The following DLG2 variants were observed in gnomAD, a reference collection of about 807,000 sequenced individuals.
DLG2 encodes disks large homolog 2.
Under a neutral mutation model 132.5 loss-of-function variants are expected in DLG2, and 45 were observed. The ratio of observed to expected loss-of-function variants is 0.34; its 90% confidence interval spans 0.27 to 0.44. The LOEUF is 0.44. DLG2 is among the 20% of genes least tolerant of loss of function. DLG2 has a pLI of 1.00. For missense variants in DLG2, 1,045 were observed against 1,196.9 expected (o/e 0.87, Z 1.87); for synonymous variants, 424 against 419.6 (o/e 1.01, Z -0.13).
At chr11:85,334,533 T>C (rs1000497706) in intron 3 of DLG2, among the ~76,000 whole-genome samples, 25 of 152,206 alleles carry the variant, frequency 1.6e-4, no homozygotes, top group African/African-American at 6.0e-4. Context: ...GATTCTCAAT[T>C]TGAGACCTTT....
intron 3 of DLG2, among the ~76,000 whole-genome samples, chr11:85,543,695 G>C (rs935691756): frequency 2.6e-5 from 4 of 152,112 alleles, no homozygotes; most frequent in African/African-American, 7.2e-5. Flanking sequence ...GTCGTGAGAT[G>C]GTATCTCATT....
chr11:84,226,751 A>C (rs1295787318), intron 8 of DLG2, among the ~76,000 whole-genome samples: 1 of 152,176 alleles, frequency 6.6e-6, no homozygotes, highest in African/African-American at 2.4e-5. Context: ...TCAGGGAGTT[A>C]CAGATATATA....
chr11:84,548,954 C>A (rs534722474), intron 6 of DLG2, among the ~76,000 whole-genome samples: 1 of 152,242 alleles, frequency 6.6e-6, no homozygotes, highest in East Asian at 1.9e-4. Flanking sequence ...ACATATATTT[C>A]TTTGAGGAAT....
At chr11:84,071,291 G>A (rs1468886910) in intron 10 of DLG2, among the ~76,000 whole-genome samples, 2 of 151,844 alleles carry the variant, frequency 1.3e-5, no homozygotes, top group Admixed American at 1.3e-4. Flanking sequence ...TTCTTGTAGA[G>A]ATGGGGTTTT....
intron 19 of DLG2, among the ~76,000 whole-genome samples, chr11:83,585,984 A>C (rs2097078362): frequency 6.6e-6 from 1 of 152,250 alleles, no homozygotes; most frequent in South Asian, 2.1e-4. Flanking sequence ...TAGGGCAAAT[A>C]AAAGCCAACC....
chr11:85,415,092 T>C (rs769752423), intron 3 of DLG2, among the ~76,000 whole-genome samples: 2 of 152,170 alleles, frequency 1.3e-5, no homozygotes, highest in Non-Finnish European at 2.9e-5. Context: ...CTCCCACTTA[T>C]GAGTGAGAAC....
chr11:84,934,772 G>A lies in DLG2; in HGVS notation c.357+176889C>T, dbSNP rs189206558. Reference sequence around the variant, plus strand: ...TGCAGTACCAGACTTTTATATGCCCGAGTTCCTTAAGACTCAGACTTTGTT... The same window carrying A: ...TGCAGTACCAGACTTTTATATGCCCAAGTTCCTTAAGACTCAGACTTTGTT... On this transcript the variant is annotated intron_variant, in intron 6 of 27. Coordinates refer to ENST00000376104, the MANE Select transcript of DLG2 (RefSeq NM_001142699.3). Among the ~76,000 whole-genome samples, 212 of 151,650 alleles carry A rather than the reference G, an allele frequency of 1.4e-3. 2 individuals carry two copies. The highest frequency in any genetic ancestry group is 4.9e-3 in the African/African-American group (201 of 41,332).
chr11:84,850,691 G>C (rs569671138), intron 6 of DLG2, among the ~76,000 whole-genome samples: 2 of 152,090 alleles, frequency 1.3e-5, no homozygotes, highest in Non-Finnish European at 2.9e-5. Flanking sequence ...AACAGATTCA[G>C]CAAGGTTGCA....
chr11:84,146,927 G>C (rs1242799325), intron 9 of DLG2, among the ~76,000 whole-genome samples: 1 of 151,910 alleles, frequency 6.6e-6, no homozygotes, highest in East Asian at 1.9e-4. Context: ...CTGCAGGAAG[G>C]CTCATTATTT....
chr11:84,042,527 T>C (rs2096116879), intron 11 of DLG2, among the ~76,000 whole-genome samples: 1 of 151,908 alleles, frequency 6.6e-6, no homozygotes, highest in Admixed American at 6.6e-5. Flanking sequence ...TCTTTTCCAA[T>C]GGCACATTAT....
chr11:84,904,508 A>G (rs1328726589), intron 6 of DLG2, among the ~76,000 whole-genome samples: 2 of 152,112 alleles, frequency 1.3e-5, no homozygotes, highest in Non-Finnish European at 2.9e-5. Context: ...AATGTTTTCT[A>G]TGCTTTCCTA....
chr11:84,574,948 T>C (rs1459731737), intron 6 of DLG2, among the ~76,000 whole-genome samples: 2 of 152,094 alleles, frequency 1.3e-5, no homozygotes, highest in Non-Finnish European at 1.5e-5. Flanking sequence ...AACTACACCC[T>C]GTCAATATGT....
intron 6 of DLG2, chr11:85,021,699 A>T: frequency 1.1e-6 from 1 of 923,108 alleles, no homozygotes; most frequent in Non-Finnish European, 1.7e-6. Context: ...ATGTGGCTGA[A>T]GATCAAAAAA....
At chr11:84,095,635 T>C (rs2097155336) in intron 10 of DLG2, among the ~76,000 whole-genome samples, 1 of 152,136 alleles carries the variant, frequency 6.6e-6, no homozygotes, top group Non-Finnish European at 1.5e-5. Context: ...AGTCAGGACA[T>C]TTGGATTTTA....
chr11:84,516,988 T>TAA (rs1212178504), intron 7 of DLG2, among the ~76,000 whole-genome samples: 2 of 47,268 alleles, frequency 4.2e-5, no homozygotes, highest in South Asian at 9.8e-4. Flanking sequence ...ACTTAAAGTA[T>TAA]AAAAAAAAAA....
At chr11:84,700,824 C>T (rs533663513) in intron 6 of DLG2, among the ~76,000 whole-genome samples, 2 of 151,620 alleles carry the variant, frequency 1.3e-5, no homozygotes, top group Non-Finnish European at 3.0e-5. Context: ...CAAAGACATC[C>T]TCACTATCAG....
chr11:84,200,045 G>C (rs1288465599), intron 8 of DLG2, among the ~76,000 whole-genome samples: 1 of 151,726 alleles, frequency 6.6e-6, no homozygotes, highest in African/African-American at 2.4e-5. Context: ...AGACTACTAA[G>C]GAATAAAAAG....
At chr11:84,624,226 C>T (rs1350651354) in intron 6 of DLG2, among the ~76,000 whole-genome samples, 5 of 152,076 alleles carry the variant, frequency 3.3e-5, no homozygotes, top group Non-Finnish European at 5.9e-5. Context: ...GTGTATTTTC[C>T]TGTTTTTCTT....
intron 5 of DLG2, among the ~76,000 whole-genome samples, chr11:85,151,622 C>T (rs893893175): frequency 6.6e-6 from 1 of 152,098 alleles, no homozygotes; most frequent in Non-Finnish European, 1.5e-5. Context: ...CCAGTTTTCC[C>T]ACCACCATTT....
Sources: gnomAD v4.1 joint callset for allele counts (sites outside exome capture counted in the v4.1 genomes callset) on GRCh38, gnomAD v4.1.1 for gene constraint, MANE v1.5 for transcripts, NCBI Gene and HGNC (gene_info 2026-07-23, HGNC 2026-07-21) for gene names.